Variants in CSMD3 observed in about 807,000 individuals in gnomAD.
CSMD3 encodes CUB and sushi domain-containing protein 3.
In CSMD3, 177 loss-of-function variants were observed where a neutral mutation model predicts 435.2. That is an observed-to-expected ratio of 0.41 (90% CI 0.36 to 0.46). The LOEUF is 0.46. CSMD3 is among the 20% of genes least tolerant of loss of function. The pLI is 0.34. For missense variants in CSMD3, 4,265 were observed against 4,504.6 expected, an observed-to-expected ratio of 0.95 and a Z score of 1.52; for synonymous variants, 1,656 against 1,520.5, an observed-to-expected ratio of 1.09 and a Z score of -2.07.
chr8:112,974,926 T>C (rs2084790745), intron 7 of CSMD3, among the ~76,000 whole-genome samples: 1 of 151,784 alleles, frequency 6.6e-6, no homozygotes, highest in African/African-American at 2.4e-5. Flanking sequence ...AGAGAAAATA[T>C]TTTGATATCT....
intron 3 of CSMD3, among the ~76,000 whole-genome samples, chr8:113,213,843 ATAAT>A (rs1395361593): frequency 3.9e-5 from 6 of 152,184 alleles, no homozygotes; most frequent in South Asian, 2.1e-4. Flanking sequence ...TTTAAAATAG[ATAAT>A]TAGTCTTTCT....
intron 38 of CSMD3, among the ~76,000 whole-genome samples, chr8:112,358,951 C>T (rs984699944): frequency 9.2e-5 from 14 of 151,874 alleles, no homozygotes; most frequent in African/African-American, 3.4e-4. Context: ...GTTTATTTTT[C>T]AAAATAAACT....
chr8:112,678,424 G>T (rs2131760366), intron 16 of CSMD3, among the ~76,000 whole-genome samples: 1 of 152,252 alleles, frequency 6.6e-6, no homozygotes, highest in East Asian at 1.9e-4. Flanking sequence ...CAAGATGATG[G>T]CAGAATTACC....
intron 58 of CSMD3, among the ~76,000 whole-genome samples, chr8:112,284,773 C>A (rs1271487323): frequency 6.6e-6 from 1 of 151,844 alleles, no homozygotes; most frequent in African/African-American, 2.4e-5. Flanking sequence ...ATAGATATAT[C>A]CCATGAATAT....
At chr8:112,284,680 C>T (rs1357703231) in intron 58 of CSMD3, among the ~76,000 whole-genome samples, 1 of 151,776 alleles carries the variant, frequency 6.6e-6, no homozygotes, top group East Asian at 1.9e-4. Context: ...ATAAAAATTA[C>T]ATTTTCATAA....
chr8:112,495,230 A>T (rs1177059091), intron 30 of CSMD3, among the ~76,000 whole-genome samples: 1 of 152,240 alleles, frequency 6.6e-6, no homozygotes, highest in Non-Finnish European at 1.5e-5. Context: ...TGGCATTTAT[A>T]GCTGGGCTTC....
chr8:113,298,890 T>A (rs2093742058), intron 2 of CSMD3, among the ~76,000 whole-genome samples: 1 of 152,174 alleles, frequency 6.6e-6, no homozygotes. Context: ...AATGCCTATA[T>A]CAAAACATTG....
chr8:112,401,290 T>C (rs1268515206), intron 35 of CSMD3, among the ~76,000 whole-genome samples: 1 of 145,010 alleles, frequency 6.9e-6, no homozygotes, highest in Non-Finnish European at 1.6e-5. Flanking sequence ...AAATGTTCAC[T>C]TTCTTCACTC....
intron 66 of CSMD3, among the ~76,000 whole-genome samples, chr8:112,240,225 G>C (rs1390282274): frequency 6.6e-6 from 1 of 151,928 alleles, no homozygotes; most frequent in Non-Finnish European, 1.5e-5. Flanking sequence ...GAGCTATGAA[G>C]ACTAACTTTG....
chr8:113,086,081 AACAC>A (rs1352094208), intron 5 of CSMD3, among the ~76,000 whole-genome samples: 1 of 151,348 alleles, frequency 6.6e-6, no homozygotes, highest in Non-Finnish European at 1.5e-5. Context: ...ACTAAAAATA[AACAC>A]ACACACACAA....
chr8:112,853,756 C>A (rs958161756), intron 11 of CSMD3, among the ~76,000 whole-genome samples: 1 of 152,202 alleles, frequency 6.6e-6, no homozygotes, highest in Non-Finnish European at 1.5e-5. Flanking sequence ...CCACCTGTAG[C>A]TTTTCCCTTT....
intron 8 of CSMD3, among the ~76,000 whole-genome samples, chr8:112,952,454 T>C (rs960149416): frequency 1.3e-5 from 2 of 151,654 alleles, no homozygotes; most frequent in Non-Finnish European, 3.0e-5. Context: ...TATTTTGTCC[T>C]AGGTTGAATA....
chr8:112,350,613 A>G (rs529535871), intron 40 of CSMD3, among the ~76,000 whole-genome samples: 3 of 152,086 alleles, frequency 2.0e-5, no homozygotes, highest in Non-Finnish European at 4.4e-5. Flanking sequence ...GCACACAAAT[A>G]CAAAAAAAAA....
At chr8:113,048,945 G>A (rs1193135908) in intron 5 of CSMD3, among the ~76,000 whole-genome samples, 1 of 152,042 alleles carries the variant, frequency 6.6e-6, no homozygotes, top group African/African-American at 2.4e-5. Context: ...TGTTTTATAA[G>A]TCTCTTATAG....
chr8:112,282,951 A>G (rs907449327), intron 58 of CSMD3, among the ~76,000 whole-genome samples: 10 of 152,186 alleles, frequency 6.6e-5, no homozygotes, highest in Admixed American at 5.3e-4. Context: ...GACATAATCT[A>G]ATAAAAATGA....
intron 32 of CSMD3, among the ~76,000 whole-genome samples, chr8:112,462,490 G>T (rs1043548669): frequency 6.6e-6 from 1 of 151,994 alleles, no homozygotes; most frequent in Non-Finnish European, 1.5e-5. Flanking sequence ...ATAAACATCG[G>T]CACTTATACA....
intron 32 of CSMD3, among the ~76,000 whole-genome samples, chr8:112,415,910 C>T (rs1245928501): frequency 6.6e-6 from 1 of 152,182 alleles, no homozygotes; most frequent in Non-Finnish European, 1.5e-5. Context: ...TGCCTGTACC[C>T]CCATTGTATC....
intron 1 of CSMD3, among the ~76,000 whole-genome samples, chr8:113,392,502 A>G (rs1319476024): frequency 6.6e-6 from 1 of 152,168 alleles, no homozygotes. Context: ...ATTCATTACT[A>G]TTATCTTCAC....
At position 113,014,966 on chromosome 8, in the gene CSMD3, A is replaced by T. The variant is rs557444288; in HGVS notation, c.1030+4101T>A. On this transcript the variant is annotated intron_variant, in intron 6 of 70. Coordinates refer to ENST00000297405, the MANE Select transcript of CSMD3 (RefSeq NM_198123.2). ...TAAAAGAAAAACCAATGCTCAGAGA[A>T]CTCAGCAATTAGTATCTTTATGATT... Among the ~76,000 whole-genome samples, 44 of 152,236 alleles carry T rather than the reference A, an allele frequency of 2.9e-4. 1 individual carries two copies. The South Asian group carries it at 8.7e-3, about 30-fold the overall frequency.
Sources: gnomAD v4.1 joint callset for allele counts (sites outside exome capture counted in the v4.1 genomes callset) on GRCh38, gnomAD v4.1.1 for gene constraint, MANE v1.5 for transcripts, NCBI Gene and HGNC (gene_info 2026-07-23, HGNC 2026-07-21) for gene names.